DNAH3: variants seen among roughly 807,000 people sequenced by gnomAD.
The protein encoded by DNAH3 is dynein axonemal heavy chain 3.
In DNAH3, 332 loss-of-function variants were observed where a neutral mutation model predicts 432.5. The ratio of observed to expected loss-of-function variants is 0.77; its 90% CI spans 0.70 to 0.84. DNAH3 has a LOEUF of 0.84. Ranked by LOEUF, DNAH3 falls within the 40% of genes least tolerant of loss-of-function variation. The pLI is 0.00. For missense variants in DNAH3, 4,861 were observed against 5,114.0 expected, an observed-to-expected ratio of 0.95 and a Z score of 1.51; for synonymous variants, 1,956 against 1,900.2, an observed-to-expected ratio of 1.03 and a Z score of -0.76.
chr16:21,035,390 T>C (rs1350598522), intron 35 of DNAH3, among the ~76,000 whole-genome samples: 2 of 152,288 alleles, frequency 1.3e-5, no homozygotes, highest in South Asian at 4.1e-4. Context: ...CTTCCTCACA[T>C]TGAGACATCA....
At chr16:21,005,356 C>T (rs2087243351) in intron 41 of DNAH3, among the ~76,000 whole-genome samples, 1 of 142,506 alleles carries the variant, frequency 7.0e-6, no homozygotes, top group African/African-American at 2.6e-5. Context: ...TCCTTCCTCT[C>T]TTTCATTCTT....
chr16:21,136,324 C>A, exon 6 of DNAH3: 1 of 1,613,610 alleles, frequency 6.2e-7, no homozygotes, highest in East Asian at 2.2e-5. Flanking sequence ...CCAGCCTTAC[C>A]GATGCTTTTC....
rs531072709 is a variant in DNAH3, at chr16:21,005,866, T to G, written c.6023-2659A>C. On this transcript the variant is annotated intron_variant, in intron 41 of 61. Transcript: ENST00000261383. Reference sequence around the variant, plus strand: ...TTTTTTTTTTTTTTTGCATTTTAAATTGCTGTGCAGAAACTGAGGCCCATC... The same window carrying G: ...TTTTTTTTTTTTTTTGCATTTTAAAGTGCTGTGCAGAAACTGAGGCCCATC... Among the ~76,000 whole-genome samples the G allele has an allele frequency of 1.3e-3, 190 of 150,738 alleles. 6 individuals carry two copies. The South Asian group carries it at 0.039, about 31-fold the overall frequency.
exon 43 of DNAH3, chr16:21,000,500 GGAT>G (rs1473158605): frequency 6.2e-6 from 10 of 1,608,100 alleles, no homozygotes; most frequent in Non-Finnish European, 8.5e-6. Context: ...TCCATTGTGG[GGAT>G]GATGAGTTCT....
intron 56 of DNAH3, 100 bp from the exon 57 acceptor site, chr16:20,948,737 G>C (rs2084173135): frequency 7.5e-7 from 1 of 1,334,394 alleles, no homozygotes; most frequent in Admixed American, 2.0e-5. Flanking sequence ...AAAGATCTCT[G>C]CTGGGACATA....
intron 1 of DNAH3, 71 bp downstream of exon 2, chr16:21,150,217 ACT>A (rs1408574492): frequency 4.9e-6 from 2 of 406,394 alleles, no homozygotes; most frequent in African/African-American, 4.5e-5. Context: ...AAAGAGCAAA[ACT>A]CTGTCTCAAA....
chr16:21,153,651 C>G (rs532931362), intron 1 of DNAH3, among the ~76,000 whole-genome samples: 1 of 152,324 alleles, frequency 6.6e-6, no homozygotes, highest in African/African-American at 2.4e-5. Flanking sequence ...AGGTCTGCAG[C>G]TTCACTCCTG....
intron 1 of DNAH3, 34 bp from the exon 3 acceptor site, chr16:21,146,122 A>T (rs79754380): frequency 0.042 from 62,034 of 1,475,622 alleles, 2,055 homozygotes; most frequent in East Asian, 0.2. Context: ...ACCCTTCAAA[A>T]ATTAGGGAAG....
intron 19 of DNAH3, among the ~76,000 whole-genome samples, chr16:21,085,631 T>C (rs543740228): frequency 2.6e-5 from 4 of 152,084 alleles, no homozygotes; most frequent in Non-Finnish European, 5.9e-5. Flanking sequence ...TTCAAGACTT[T>C]TTGGGAAACT....
At chr16:21,039,411 G>C (rs542247988) in intron 33 of DNAH3, among the ~76,000 whole-genome samples, 8 of 151,880 alleles carry the variant, frequency 5.3e-5, no homozygotes, top group African/African-American at 1.9e-4. Flanking sequence ...GTAGAGACAG[G>C]GTTTCCCCAT....
chr16:21,073,858 A>G (rs922423240), intron 21 of DNAH3, among the ~76,000 whole-genome samples: 1 of 152,136 alleles, frequency 6.6e-6, no homozygotes, highest in Non-Finnish European at 1.5e-5. Flanking sequence ...AGAGAGACCA[A>G]GAAGAATCTC....
At chr16:21,129,567 C>CA (rs555280776) in intron 7 of DNAH3, among the ~76,000 whole-genome samples, 6,941 of 77,938 alleles carry the variant, frequency 0.089, 406 homozygotes, top group East Asian at 0.22. Flanking sequence ...CCTATCTCTA[C>CA]AAAAAAAAAA....
At chr16:21,157,771 C>G (rs1025518993) in intron 1 of DNAH3, among the ~76,000 whole-genome samples, 1 of 149,280 alleles carries the variant, frequency 6.7e-6, no homozygotes, top group Non-Finnish European at 1.5e-5. Context: ...ATCCCTCTCT[C>G]TAATTTATGG....
chr16:21,110,152 G>A (rs964026227), intron 14 of DNAH3, among the ~76,000 whole-genome samples: 1 of 152,202 alleles, frequency 6.6e-6, no homozygotes, highest in African/African-American at 2.4e-5. Context: ...TAGAGACACA[G>A]TAGAAGGCAG....
chr16:20,976,333 C>G (rs989447413), intron 50 of DNAH3, among the ~76,000 whole-genome samples: 1 of 152,160 alleles, frequency 6.6e-6, no homozygotes, highest in Non-Finnish European at 1.5e-5. Context: ...GCTGGGATTA[C>G]AGGCATGTGC....
intron 48 of DNAH3, among the ~76,000 whole-genome samples, chr16:20,983,406 G>A (rs1240005640): frequency 9.2e-5 from 14 of 152,242 alleles, no homozygotes; most frequent in South Asian, 6.2e-4. Flanking sequence ...GATTACAGGC[G>A]TGAGCCACCA....
chr16:21,070,841 G>A lies in DNAH3; in HGVS notation c.3085-15C>T, dbSNP rs765398119. On this transcript the variant is annotated splice_polypyrimidine_tract_variant and intron_variant, in intron 21 of 61. Transcript: ENST00000261383. Reference sequence around the variant, plus strand: ...ATGTTTGTATCCTGTAAATAAAGATGCCCCACCCTGTCAAGATTGTGAAAC... The same window carrying A: ...ATGTTTGTATCCTGTAAATAAAGATACCCCACCCTGTCAAGATTGTGAAAC... 4 of 1,469,844 alleles carry A rather than the reference G, an allele frequency of 2.7e-6. No individual in the cohort carries two copies. The South Asian group carries it at 3.5e-5, about 13-fold the overall frequency. The allele number at this position is 1,469,844 out of a possible 1,614,324, so 91.1% of individuals were successfully genotyped here.
intron 40 of DNAH3, among the ~76,000 whole-genome samples, chr16:21,020,543 C>T (rs1434001226): frequency 6.7e-6 from 1 of 148,796 alleles, no homozygotes; most frequent in East Asian, 2.0e-4. Flanking sequence ...GCTGGGATTA[C>T]AGGCACCCGC....
At chr16:21,065,318 G>A (rs1198678987) in intron 24 of DNAH3, among the ~76,000 whole-genome samples, 5 of 151,760 alleles carry the variant, frequency 3.3e-5, no homozygotes, top group South Asian at 2.1e-4. Context: ...CCACCACCAC[G>A]CCCAGCTGAT....
Sources: allele counts gnomAD v4.1 joint callset (sites outside exome capture counted in the v4.1 genomes callset), GRCh38; gene constraint gnomAD v4.1.1; transcripts MANE v1.5; gene names NCBI Gene and HGNC (gene_info 2026-07-23, HGNC 2026-07-21).